The following MOSPD1 variants were observed in gnomAD, a reference collection of about 807,000 sequenced individuals.
The protein encoded by MOSPD1 is motile sperm domain containing 1, also known as motile sperm domain-containing protein 1.
Under a neutral mutation model 16.7 loss-of-function variants are expected in MOSPD1, and 5 were observed. That is an observed-to-expected ratio of 0.30 (90% confidence interval 0.16 to 0.63). MOSPD1 has a LOEUF of 0.63. MOSPD1 is among the 30% of genes least tolerant of loss of function. The pLI is 0.82. For missense variants in MOSPD1, 104 were observed against 153.6 expected (o/e 0.68, Z 1.71); for synonymous variants, 67 against 59.2 (o/e 1.13, Z -0.61).
At chrX:134,893,995 T>A (rs1456506986) in intron 4 of MOSPD1, among the ~76,000 whole-genome samples, 1 of 112,016 alleles carries the variant, frequency 8.9e-6, no homozygotes, top group Non-Finnish European at 1.9e-5. Context: ...TTCAGATGTA[T>A]CTTTTAAAAT....
At chrX:134,890,730 C>T (rs2082858789) in intron 5 of MOSPD1, among the ~76,000 whole-genome samples, 1 of 111,013 alleles carries the variant, frequency 9.0e-6, no homozygotes, top group Non-Finnish European at 1.9e-5. Flanking sequence ...ATAGCTTGAA[C>T]CTGGGAGGCG....
chrX:134,892,806 C>T (rs1344089959), intron 4 of MOSPD1, among the ~76,000 whole-genome samples: 2 of 110,743 alleles, frequency 1.8e-5, no homozygotes, highest in Admixed American at 9.7e-5. Flanking sequence ...GGAGAAGAAT[C>T]GCTTGAACTC....
intron 1 of MOSPD1, among the ~76,000 whole-genome samples, chrX:134,902,378 G>A (rs193251664): frequency 1.9e-3 from 179 of 94,321 alleles, no homozygotes; most frequent in Non-Finnish European, 3.5e-3. Context: ...CAACAAGAGC[G>A]AAATTCCGTC....
intron 1 of MOSPD1, among the ~76,000 whole-genome samples, chrX:134,900,868 T>C (rs754526858): frequency 9.0e-6 from 1 of 111,189 alleles, no homozygotes; most frequent in Admixed American, 9.7e-5. Flanking sequence ...AATTGAAACA[T>C]AGCTTTTAAA....
Position 134,896,803 on chromosome X carries a change from C to T in MOSPD1, c.448+14G>A. 8.4e-7 allele frequency: 1 copy of T among 1,189,374 alleles called. No homozygotes were observed. The highest frequency in any genetic ancestry group is 1.1e-6 in the Non-Finnish European group (1 of 876,732). ...TAAGACCTCAAAAGGGCTTTAAAAACAACCCAAAACTACCTGGTTGAAACG... is the reference window on the plus strand; with the variant it reads ...TAAGACCTCAAAAGGGCTTTAAAAATAACCCAAAACTACCTGGTTGAAACG... On this transcript the variant is annotated intron_variant, in intron 4 of 5. Coordinates refer to ENST00000370783, the MANE Select transcript of MOSPD1 (RefSeq NM_019556.3).
chrX:134,892,031 G>GA (rs1184608551), intron 4 of MOSPD1, among the ~76,000 whole-genome samples: 4 of 111,768 alleles, frequency 3.6e-5, no homozygotes, highest in Non-Finnish European at 5.6e-5. Context: ...TAGATTTTTG[G>GA]AAGAATGTGC....
At chrX:134,899,197 T>C in intron 2 of MOSPD1, 32 bp from the exon 3 acceptor site, 1 of 698,742 alleles carries the variant, frequency 1.4e-6, no homozygotes, top group South Asian at 3.6e-5. Flanking sequence ...GCCATTAGTG[T>C]TTTTTTTTTT....
chrX:134,893,592 T>C (rs1190863831), intron 4 of MOSPD1, among the ~76,000 whole-genome samples: 1 of 112,104 alleles, frequency 8.9e-6, no homozygotes, highest in Non-Finnish European at 1.9e-5. Flanking sequence ...GCTAACACTG[T>C]TAACAGCTTG....
At chrX:134,913,957 A>G (rs906958217) in intron 1 of MOSPD1, among the ~76,000 whole-genome samples, 9 of 112,087 alleles carry the variant, frequency 8.0e-5, no homozygotes, top group African/African-American at 2.6e-4. Flanking sequence ...AAAAGTTGGT[A>G]TCCACTCCAT....
chrX:134,898,355 G>T (rs373080857), intron 3 of MOSPD1, among the ~76,000 whole-genome samples: 11 of 112,035 alleles, frequency 9.8e-5, no homozygotes, highest in African/African-American at 2.9e-4. Context: ...GTGCAAAAAC[G>T]TTCTCAAAGA....
chrX:134,914,125 C>T (rs1194170406), intron 1 of MOSPD1, among the ~76,000 whole-genome samples: 1 of 112,087 alleles, frequency 8.9e-6, no homozygotes, highest in African/African-American at 3.2e-5. Flanking sequence ...ATTAAGAATG[C>T]AATGCACTCT....
intron 3 of MOSPD1, among the ~76,000 whole-genome samples, chrX:134,898,544 G>C (rs995545988): frequency 1.8e-5 from 2 of 111,842 alleles, no homozygotes; most frequent in Admixed American, 9.6e-5. Flanking sequence ...TGAACAGCTT[G>C]AACAATCATT....
chrX:134,897,422 G>C (rs1227897458), intron 3 of MOSPD1, among the ~76,000 whole-genome samples: 2 of 108,325 alleles, frequency 1.8e-5, no homozygotes, highest in African/African-American at 6.7e-5. Context: ...TAACTGGCTT[G>C]CTGGTGTGCG....
intron 1 of MOSPD1, among the ~76,000 whole-genome samples, chrX:134,901,412 G>A (rs1194840382): frequency 1.8e-5 from 2 of 110,148 alleles, no homozygotes; most frequent in South Asian, 3.9e-4. Context: ...ACTTTGCGAG[G>A]CCGAAGCGGG....
intron 4 of MOSPD1, among the ~76,000 whole-genome samples, chrX:134,896,005 AGATT>A (rs2148392617): frequency 9.0e-6 from 1 of 111,480 alleles, no homozygotes; most frequent in African/African-American, 3.3e-5. Context: ...AACAGCAAGT[AGATT>A]TTTTTTAATC....
intron 1 of MOSPD1, among the ~76,000 whole-genome samples, chrX:134,903,436 G>T (rs2082922852): frequency 9.0e-6 from 1 of 110,643 alleles, no homozygotes; most frequent in South Asian, 3.8e-4. Flanking sequence ...CCCTGGCTGG[G>T]CACAGTGGCT....
At position 134,912,372 on chromosome X, in the gene MOSPD1, G is replaced by A. The variant is rs923998340; in HGVS notation, c.-102+2810C>T. 4.5e-5 allele frequency among the ~76,000 whole-genome samples: 5 copies of A among 110,240 alleles called. No homozygotes were observed. In the Admixed American group the frequency reaches 4.8e-4, roughly 11 times the overall value. Reference sequence around the variant, plus strand: ...TAATTTTTCTATTTTTAGTAGAGATGAGGTTTTGCCATGTTGGCCAGGCTG... The same window carrying A: ...TAATTTTTCTATTTTTAGTAGAGATAAGGTTTTGCCATGTTGGCCAGGCTG... On this transcript the variant is annotated intron_variant, in intron 1 of 5. Coordinates refer to ENST00000370783, the MANE Select transcript of MOSPD1 (RefSeq NM_019556.3).
chrX:134,912,905 C>T (rs1051612189), intron 1 of MOSPD1, among the ~76,000 whole-genome samples: 3 of 105,246 alleles, frequency 2.9e-5, no homozygotes, highest in Non-Finnish European at 5.8e-5. Flanking sequence ...TGCCACTGCA[C>T]GCTCCAACCT....
intron 1 of MOSPD1, among the ~76,000 whole-genome samples, chrX:134,914,802 C>T (rs769254826): frequency 1.2e-3 from 134 of 112,734 alleles, no homozygotes; most frequent in African/African-American, 4.2e-3. Context: ...CCCCAGCCGT[C>T]CTCGGTGCAT....
Sources: gnomAD v4.1 joint callset for allele counts (sites outside exome capture counted in the v4.1 genomes callset) on GRCh38, gnomAD v4.1.1 for gene constraint, MANE v1.5 for transcripts, NCBI Gene and HGNC (gene_info 2026-07-23, HGNC 2026-07-21) for gene names.